C1R: variants seen among roughly 807,000 people sequenced by gnomAD.
C1R encodes complement C1r subcomponent.
In C1R, 15 loss-of-function variants were observed where a neutral mutation model predicts 27.6. The observed-to-expected ratio is 0.54, with a 90% CI of 0.36 to 0.84. C1R has a LOEUF of 0.84. Among genes scored for constraint, C1R ranks in the 40% least tolerant of loss-of-function variants. The probability of loss-of-function intolerance (pLI) is 0.01; values close to 1 mark genes in which losing one functional copy is unlikely to be tolerated. For synonymous variants in C1R, 253 were observed against 228.8 expected, an observed-to-expected ratio of 1.11 and a Z score of -0.95; for missense variants, 544 against 577.9, an observed-to-expected ratio of 0.94 and a Z score of 0.60.
rs1938038750 is a variant in C1R, at chr12:7,080,668, C to T, written c.1982G>A (p.Arg661Lys). Residue 661 changes from arginine (R) to lysine (K), a missense_variant, in exon 11 of 11, where the codon AGG (arginine) becomes AAG (lysine). By Grantham distance (26) the Arg-to-Lys change is conservative (BLOSUM62 2). Coordinates refer to ENST00000647956, the MANE Select transcript of C1R (RefSeq NM_001733.7). The surrounding 1 kb of genome is among the most constrained non-coding windows in gnomAD (Gnocchi z 4.9). ...QGDSGGVFAVRDPNTDRWVAT... is the reference protein window; with the variant it reads ...QGDSGGVFAVKDPNTDRWVAT... Reference sequence around the variant, plus strand: ...CACCCAGCGATCAGTGTTCGGGTCCCTTACTGCAAAAACGCCCCCACTATC... The same window carrying T: ...CACCCAGCGATCAGTGTTCGGGTCCTTTACTGCAAAAACGCCCCCACTATC... 1 of 1,613,830 alleles carries T rather than the reference C, an allele frequency of 6.2e-7. No homozygotes were observed. Among genetic ancestry groups the T allele is most frequent in the African/African-American group, 1.3e-5 (1 of 74,904 alleles).
intron 7 of C1R, 179 bp from the exon 8 acceptor site, chr12:7,086,636 C>A (rs1417239650): frequency 2.6e-6 from 1 of 386,206 alleles, no homozygotes; most frequent in Non-Finnish European, 4.6e-6. Context: ...TCTCCCCAGC[C>A]CATTACAGAC....
chr12:7,086,264 G>C (rs1367032910), intron 8 of C1R, 115 bp downstream of exon 8: 2 of 397,628 alleles, frequency 5.0e-6, no homozygotes, highest in African/African-American at 4.1e-5. Context: ...GGACAAGTCA[G>C]GGTGAGGGTC....
At chr12:7,082,011 C>T in intron 10 of C1R, 21 bp downstream of exon 10, 1 of 1,535,222 alleles carries the variant, frequency 6.5e-7, no homozygotes, top group East Asian at 2.4e-5. Context: ...CTGATGATGG[C>T]CCCAGAGGGT....
In C1R at chr12:7,091,780, C is replaced by T; in HGVS notation, c.3-100G>A. The T allele has an allele frequency of 1.4e-6, 1 of 714,238 alleles. No homozygotes were observed. The highest frequency in any genetic ancestry group is 2.6e-6 in the Non-Finnish European group (1 of 384,940). The allele number at this position is 714,238 out of a possible 1,614,324, so 44.2% of individuals were successfully genotyped here. ...GGGATGAGACGGCCATACCACTGGG[C>T]ATTCTCCTCTCTGCCCACCCTGAAC... is the stretch of plus-strand genomic sequence containing the variant. On this transcript the variant is annotated intron_variant, in intron 1 of 10. Coordinates refer to ENST00000647956, the MANE Select transcript of C1R (RefSeq NM_001733.7). This position sits in a 1 kb window ranked among gnomAD's most constrained non-coding sequence, Gnocchi z 5.1.
chr12:7,091,834 G>C lies in C1R; in HGVS notation c.3-154C>G, dbSNP rs149090481. 39 of 702,990 alleles carry C rather than the reference G, an allele frequency of 5.5e-5. No individual in the cohort carries two copies. In the African/African-American group the frequency reaches 6.1e-4, roughly 11 times the overall value. The allele number at this position is 702,990 out of a possible 1,614,324, so 43.5% of individuals were successfully genotyped here. ...ACAGACATGTTCTCAGCAGGGGTGC[G>C]TGGGTGGGGAGGATGGCCTGTGCAG... On this transcript the variant is annotated intron_variant, in intron 1 of 10. Coordinates refer to ENST00000647956, the MANE Select transcript of C1R (RefSeq NM_001733.7). The surrounding 1 kb of genome is among the most constrained non-coding windows in gnomAD (Gnocchi z 5.1).
At chr12:7,089,757 G>A in intron 3 of C1R, 24 bp from the exon 4 acceptor site, 3 of 778,848 alleles carry the variant, frequency 3.9e-6, no homozygotes, top group South Asian at 2.7e-5. Flanking sequence ...AGGAAGGAGG[G>A]TTAAGCTTCT....
At chr12:7,083,628 T>G (rs1172418525) in intron 9 of C1R, among the ~76,000 whole-genome samples, 1 of 115,408 alleles carries the variant, frequency 8.7e-6, no homozygotes, top group Non-Finnish European at 1.8e-5. Context: ...GTGGTCATAG[T>G]GGGGATGATG....
At chr12:7,082,467 G>C (rs1938081936) in intron 9 of C1R, among the ~76,000 whole-genome samples, 1 of 152,108 alleles carries the variant, frequency 6.6e-6, no homozygotes, top group African/African-American at 2.4e-5. Flanking sequence ...AAGTAGCTGG[G>C]ACTACAGGTG....
chr12:7,083,280 T>C (rs895647799), intron 9 of C1R, among the ~76,000 whole-genome samples: 3 of 152,136 alleles, frequency 2.0e-5, no homozygotes, highest in Non-Finnish European at 2.9e-5. Context: ...GTATTTGCTG[T>C]GATGGTGTTG....
Position 7,091,023 on chromosome 12 carries a change from C to G in C1R, c.231+429G>C, listed in dbSNP as rs1938263682. On this transcript the variant is annotated intron_variant, in intron 2 of 10. Transcript: ENST00000647956. This position sits in a 1 kb window ranked among gnomAD's most constrained non-coding sequence, Gnocchi z 5.1. ...TTGCCACAGAGGTGAGGGTTCTGAG[C>G]ACACTGTCCTTGCTGAAGGCTATTC... The G allele has an allele frequency of 9.0e-6, 2 of 221,950 alleles. No homozygotes were observed. The highest frequency in any genetic ancestry group is 1.8e-5 in the Non-Finnish European group (2 of 112,674). 13.7% of individuals were successfully genotyped at this position (221,950 alleles called of 1,614,324 possible).
chr12:7,091,584 C>T lies in C1R; in HGVS notation c.99G>A (p.Leu33=), dbSNP rs753836818. Residue 33 remains leucine (L), a synonymous_variant, in exon 2 of 11, where the codon CTG becomes CTA. Coordinates refer to ENST00000647956, the MANE Select transcript of C1R (RefSeq NM_001733.7). The surrounding 1 kb of genome is among the most constrained non-coding windows in gnomAD (Gnocchi z 5.1). ...QKLFGEVTSP[L]FPKPYPNNFE... ...AGTTGTTGGGGTAAGGCTTGGGGAA[C>T]AGAGGGGAAGTCACCTCCCCAAATA... The T allele has an allele frequency of 1.3e-6, 1 of 773,102 alleles. No homozygotes were observed. Among genetic ancestry groups the T allele is most frequent in the East Asian group, 2.4e-5 (1 of 41,008 alleles). 47.9% of individuals were successfully genotyped at this position (773,102 alleles called of 1,614,324 possible). A position where few individuals can be genotyped will look rare whatever the true frequency, so the allele number is the denominator to read the frequency against.
chr12:7,085,804 CAG>C (rs1396782518), intron 9 of C1R, 55 bp downstream of exon 9: 11 of 398,252 alleles, frequency 2.8e-5, no homozygotes, highest in Non-Finnish European at 4.4e-5. Context: ...GGAGAAATCT[CAG>C]AGGATACCCC....
At chr12:7,082,659 C>T (rs1938086216) in intron 9 of C1R, among the ~76,000 whole-genome samples, 1 of 152,072 alleles carries the variant, frequency 6.6e-6, no homozygotes, top group African/African-American at 2.4e-5. Context: ...CATATGTTTG[C>T]TGTGATCCCT....
At chr12:7,081,400 C>G in intron 10 of C1R, 99 bp from the exon 11 acceptor site, 1 of 1,077,312 alleles carries the variant, frequency 9.3e-7, no homozygotes, top group Non-Finnish European at 1.4e-6. Context: ...CTCTTTTTGG[C>G]TTCTGTCTCT....
Position 7,089,625 on chromosome 12 carries a change from G to A in C1R, c.533C>T (p.Pro178Leu), listed in dbSNP as rs751089506. 4 of 780,930 alleles carry A rather than the reference G, an allele frequency of 5.1e-6. No homozygotes were observed. The highest frequency in any genetic ancestry group is 9.6e-6 in the Non-Finnish European group (4 of 417,990). 48.4% of individuals were successfully genotyped at this position (780,930 alleles called of 1,614,324 possible). A position where few individuals can be genotyped will look rare whatever the true frequency, so the allele number is the denominator to read the frequency against. Residue 178 changes from proline (P) to leucine (L), a missense_variant, in exon 4 of 11, where the codon CCA (proline) becomes CTA (leucine). Physicochemically the swap from Pro to Leu is moderately conservative, Grantham distance 98 (BLOSUM62 -3). Transcript: ENST00000647956. Reference protein sequence around the residue: ...YVGGYFCSCRPGYELQEDRHS... With the variant: ...YVGGYFCSCRLGYELQEDRHS... Reference sequence around the variant, plus strand: ...CCTGTCTTCCTGAAGCTCATAGCCTGGACGGCAGGAACAGAAGTAGCCTCC... The same window carrying A: ...CCTGTCTTCCTGAAGCTCATAGCCTAGACGGCAGGAACAGAAGTAGCCTCC...
In C1R at chr12:7,088,702, C is replaced by T; in HGVS notation, c.946G>A (p.Asp316Asn). The T allele has an allele frequency of 1.3e-6, 1 of 776,246 alleles. No homozygotes were observed. Among genetic ancestry groups the T allele is most frequent in the Non-Finnish European group, 2.4e-6 (1 of 415,980 alleles). 48.1% of individuals were successfully genotyped at this position (776,246 alleles called of 1,614,324 possible). The stretch of plus-strand genomic sequence containing the variant: ...AGGTTCTGGATGATGGTGAACTCGT[C>T]TAGGGTCTTGGGCTGGGGGCACTTG... ...IIKCPQPKTL[D>N]EFTIIQNLQP... Residue 316 changes from aspartate (D) to asparagine (N), a missense_variant, in exon 7 of 11, where the codon GAC (aspartate) becomes AAC (asparagine). Physicochemically the swap from Asp to Asn is conservative, Grantham distance 23 (BLOSUM62 1). Coordinates refer to ENST00000647956, the MANE Select transcript of C1R (RefSeq NM_001733.7).
Position 7,088,648 on chromosome 12 carries a change from A to C in C1R, c.1000T>G (p.Phe334Val). ...LQPQYQFRDY[F>V]IATCKQGYQL... The stretch of plus-strand genomic sequence containing the variant: ...TAGCCTTGCTTGCAGGTAGCAATGA[A>C]GTAGTCACGGAACTGGTACTGAGGC... The change falls in exon 7 of 11, where the codon TTC becomes GTC. Residue 334 changes from phenylalanine (F) to valine (V), a missense_variant. Phe to Val is a conservative substitution (Grantham distance 50). Coordinates refer to ENST00000647956, the MANE Select transcript of C1R (RefSeq NM_001733.7). 1 of 743,882 alleles carries C rather than the reference A, an allele frequency of 1.3e-6. No individual in the cohort carries two copies. The highest frequency in any genetic ancestry group is 2.5e-6 in the Non-Finnish European group (1 of 398,690). 46.1% of individuals were successfully genotyped at this position (743,882 alleles called of 1,614,324 possible). A position where few individuals can be genotyped will look rare whatever the true frequency, so the allele number is the denominator to read the frequency against.
intron 9 of C1R, among the ~76,000 whole-genome samples, chr12:7,084,847 G>GGTGGTGATAATGGTA (rs1938115600): frequency 6.7e-6 from 1 of 148,960 alleles, no homozygotes; most frequent in Non-Finnish European, 1.5e-5. Context: ...TGGTAATAGT[G>GGTGGTGATAATGGTA]GTGGTGATGG....
In C1R at chr12:7,090,153, C is replaced by T. The variant is rs374748362; in HGVS notation, c.327G>A (p.Gly109=). 2.6e-6 allele frequency: 2 copies of T among 773,180 alleles called. No homozygotes were observed. Among genetic ancestry groups the T allele is most frequent in the Admixed American group, 1.7e-5 (1 of 57,882 alleles). The allele number at this position is 773,180 out of a possible 1,614,324, so 47.9% of individuals were successfully genotyped here. A position where few individuals can be genotyped will look rare whatever the true frequency, so the allele number is the denominator to read the frequency against. ...TGTGGAAGGTCAGCAGCATCTTGTT[C>T]CCTTGGGACATAAATTCCTTCTTTC... ...PPGKKEFMSQ[G]NKMLLTFHTD... is the part of the protein sequence containing the mutation. Residue 109 remains glycine (G), a synonymous_variant, in exon 3 of 11, where the codon GGG becomes GGA. Transcript: ENST00000647956.
Sources: gnomAD v4.1 joint callset for allele counts (sites outside exome capture counted in the v4.1 genomes callset) on GRCh38, gnomAD v4.1.1 for gene constraint, Gnocchi (gnomAD v3.1) non-coding constraint, MANE v1.5 for transcripts, NCBI Gene and HGNC (gene_info 2026-07-23, HGNC 2026-07-21) for gene names.